Variants in NDE1 observed in about 807,000 individuals in gnomAD.
The protein encoded by NDE1 is nuclear distribution protein nudE homolog 1.
Under a neutral mutation model 43.4 loss-of-function variants are expected in NDE1, and 28 were observed. The observed-to-expected ratio is 0.65, with a 90% CI of 0.48 to 0.89. The LOEUF (loss-of-function observed/expected upper bound fraction) is 0.89, where lower values mean the gene tolerates loss of function less well. Ranked by LOEUF, NDE1 falls within the 40% of genes least tolerant of loss-of-function variation. The pLI, the probability that NDE1 is intolerant of heterozygous loss-of-function variation, is 0.00. For missense variants in NDE1, 441 were observed against 434.1 expected, an observed-to-expected ratio of 1.02 and a Z score of -0.14; for synonymous variants, 184 against 172.0, an observed-to-expected ratio of 1.07 and a Z score of -0.55.
At chr16:15,704,024 G>T in intron 8 of NDE1, 1 of 1,614,032 alleles carries the variant, frequency 6.2e-7, no homozygotes, top group Non-Finnish European at 8.5e-7. Context: ...TGAAGTCTGC[G>T]TCTCGAGTGT....
intron 3 of NDE1, among the ~76,000 whole-genome samples, chr16:15,676,596 A>G (rs1179597423): frequency 6.6e-6 from 1 of 152,170 alleles, no homozygotes; most frequent in East Asian, 1.9e-4. Context: ...TCAAAAATTC[A>G]GAATGGCGGA....
chr16:15,645,929 C>G (rs1037715697), upstream of NDE1, among the ~76,000 whole-genome samples: 4 of 152,060 alleles, frequency 2.6e-5, no homozygotes, highest in Non-Finnish European at 5.9e-5. Context: ...CATGGAAGGA[C>G]CTAAGGAAGT....
intron 6 of NDE1, among the ~76,000 whole-genome samples, chr16:15,693,124 C>T (rs1288375024): frequency 6.6e-6 from 1 of 152,034 alleles, no homozygotes; most frequent in African/African-American, 2.4e-5. Flanking sequence ...GCCTCAGCCT[C>T]CCGAGTAGCT....
intron 8 of NDE1, chr16:15,718,416 G>A (rs762659627): frequency 5.1e-6 from 8 of 1,582,290 alleles, no homozygotes; most frequent in East Asian, 2.3e-5. Flanking sequence ...TCCAGGCGGC[G>A]CTTCTCGTCC....
chr16:15,690,994 G>A (rs1369401593), intron 5 of NDE1, 150 bp from the exon 6 acceptor site: 14 of 858,280 alleles, frequency 1.6e-5, no homozygotes, highest in Admixed American at 1.0e-4. Context: ...TTTCAATAGA[G>A]ATGAGGTTTC....
At chr16:15,688,694 T>TA (rs1261349336) in intron 5 of NDE1, among the ~76,000 whole-genome samples, 6 of 83,838 alleles carry the variant, frequency 7.2e-5, no homozygotes, top group Admixed American at 1.1e-4. Flanking sequence ...TTTACCTTTT[T>TA]TTTTTTTTTT....
At chr16:15,715,157 G>A in intron 8 of NDE1, 1 of 1,613,396 alleles carries the variant, frequency 6.2e-7, no homozygotes, top group Non-Finnish European at 8.5e-7. Flanking sequence ...TGGGTGGCAG[G>A]GGCTACCTGC....
rs1473929479 is a variant in NDE1 at position 15,725,241 on chromosome 16, A to G, written c.*990A>G. The G allele has an allele frequency of 1.7e-6, 1 of 599,286 alleles. No individual in the cohort carries two copies. Among genetic ancestry groups the G allele is most frequent in the African/African-American group, 1.9e-5 (1 of 53,732 alleles). The allele number at this position is 599,286 out of a possible 1,614,324, so 37.1% of individuals were successfully genotyped here. A position where few individuals can be genotyped will look rare whatever the true frequency, so the allele number is the denominator to read the frequency against. On this transcript the variant is annotated 3_prime_UTR_variant, in exon 9 of 9. Coordinates refer to ENST00000396354, the MANE Select transcript of NDE1 (RefSeq NM_017668.3). ...CCCTGGCCCTAGACTCTGTGGTTCT[A>G]AGAACTTATTTGAGCCCCAATGGTA...
chr16:15,656,786 C>T (rs111933950), intron 1 of NDE1, among the ~76,000 whole-genome samples: 1,984 of 152,214 alleles, frequency 0.013, 22 homozygotes, highest in South Asian at 0.035. Context: ...AGTGATCTAC[C>T]CGCTGTGGCC....
chr16:15,703,931 TTTG>T (rs1402260686), intron 8 of NDE1: 2 of 1,606,736 alleles, frequency 1.2e-6, no homozygotes, highest in African/African-American at 2.7e-5. Context: ...TTGGGTTTTT[TTTG>T]TTTGTTTGTT....
At chr16:15,708,977 C>G (rs752487486) in intron 8 of NDE1, 12 of 960,052 alleles carry the variant, frequency 1.2e-5, no homozygotes, top group Non-Finnish European at 1.8e-5. Context: ...GAGATAGTCT[C>G]TGTCACCCAG....
exon 1 of NDE1, chr16:15,643,399 C>T (rs752629218): frequency 2.5e-5 from 12 of 484,830 alleles, no homozygotes; most frequent in Non-Finnish European, 4.3e-5. Context: ...GGAGGCCTTC[C>T]CCCTGGCTTC....
intron 1 of NDE1, among the ~76,000 whole-genome samples, chr16:15,660,189 G>C (rs2036975907): frequency 6.6e-6 from 1 of 152,088 alleles, no homozygotes; most frequent in Admixed American, 6.6e-5. Context: ...ATAGAAGTCT[G>C]CTTTCTTGCT....
rs77529526 is a variant in NDE1, at chr16:15,704,608, G to T, written c.947+7748G>T. On this transcript the variant is annotated intron_variant, in intron 8 of 8. Coordinates refer to ENST00000396354, the MANE Select transcript of NDE1 (RefSeq NM_017668.3). ...ATTCGCCTTAGAGGTGAGTTTTCAA[G>T]ATTTGAATTGGAAGAAGGTGAAATG... is the stretch of plus-strand genomic sequence containing the variant. 1.6e-3 allele frequency among the ~76,000 whole-genome samples: 237 copies of T among 152,320 alleles called. 2 individuals carry two copies. The East Asian group carries it at 0.029, about 19-fold the overall frequency.
chr16:15,719,963 A>G (rs1296674394), intron 8 of NDE1, among the ~76,000 whole-genome samples: 1 of 152,042 alleles, frequency 6.6e-6, no homozygotes, highest in African/African-American at 2.4e-5. Context: ...CCAAATACCT[A>G]ATAATGCTGC....
At chr16:15,650,324 C>A in intron 1 of NDE1, 30 bp downstream of exon 1, 2 of 252,084 alleles carry the variant, frequency 7.9e-6, no homozygotes, top group Non-Finnish European at 1.6e-5. Context: ...GGGCTGGGGT[C>A]GGGGTGGCTG....
intron 8 of NDE1, chr16:15,719,137 TA>T: frequency 2.1e-6 from 3 of 1,416,388 alleles, no homozygotes; most frequent in Non-Finnish European, 2.0e-6. Flanking sequence ...CGAAAAAATT[TA>T]AAAAATAAAA....
At chr16:15,702,520 G>A (rs900127704) in intron 8 of NDE1, among the ~76,000 whole-genome samples, 4 of 151,790 alleles carry the variant, frequency 2.6e-5, no homozygotes, top group African/African-American at 9.7e-5. Context: ...CTTCCAAGAG[G>A]TTGGGAGTAC....
intron 1 of NDE1, among the ~76,000 whole-genome samples, chr16:15,657,384 C>T (rs912165646): frequency 1.3e-5 from 2 of 152,104 alleles, no homozygotes. Context: ...CAGGCATGAG[C>T]CAACGCACCC....
Sources: gnomAD v4.1 joint callset for allele counts (sites outside exome capture counted in the v4.1 genomes callset) on GRCh38, gnomAD v4.1.1 for gene constraint, MANE v1.5 for transcripts, NCBI Gene and HGNC (gene_info 2026-07-23, HGNC 2026-07-21) for gene names.